DAAM2: variants seen among roughly 807,000 people sequenced by gnomAD.
DAAM2 encodes the protein disheveled-associated activator of morphogenesis 2.
Under a neutral mutation model 120.7 loss-of-function variants are expected in DAAM2, and 39 were observed. The observed-to-expected ratio is 0.32, with a 90% CI of 0.25 to 0.42. The LOEUF is 0.42. DAAM2 is among the 10% of genes least tolerant of loss of function. The probability of loss-of-function intolerance (pLI) is 1.00; values close to 1 mark genes in which losing one functional copy is unlikely to be tolerated. For missense variants in DAAM2, 1,283 were observed against 1,401.7 expected (o/e 0.92, Z 1.35); for synonymous variants, 488 against 524.9 (o/e 0.93, Z 0.96).
Position 39,902,001 on chromosome 6 carries a change from T to TA in DAAM2, c.3172dup (p.Thr1058AsnfsTer37). 4 of 1,611,136 alleles carry TA rather than the reference T, an allele frequency of 2.5e-6. No individual in the cohort carries two copies. Among genetic ancestry groups the TA allele is most frequent in the Non-Finnish European group, 3.4e-6 (4 of 1,177,950 alleles). On this transcript the variant is annotated frameshift_variant, in exon 25 of 25. Transcript: ENST00000274867. LOFTEE classifies it high-confidence loss of function. ...GATCAGGGAGCCAGGCCCTGGAAGTTACCCGGGAGCGGGCAATAAACCGGC... is the reference window on the plus strand; with the variant it reads ...GATCAGGGAGCCAGGCCCTGGAAGTTAACCCGGGAGCGGGCAATAAACCGGC...
intron 17 of DAAM2, among the ~76,000 whole-genome samples, chr6:39,890,305 A>G (rs989127502): frequency 6.6e-6 from 1 of 152,192 alleles, no homozygotes; most frequent in Admixed American, 6.5e-5. Context: ...TGCACAGTTC[A>G]ACCCTGTGTT....
chr6:39,897,491 G>A (rs541571213), intron 21 of DAAM2: 2 of 473,080 alleles, frequency 4.2e-6, no homozygotes, highest in East Asian at 8.0e-5. Flanking sequence ...TTGTGAGTTA[G>A]GTGCAGAATA....
At chr6:39,846,035 G>T (rs1363487879) in intron 1 of DAAM2, among the ~76,000 whole-genome samples, 1 of 152,144 alleles carries the variant, frequency 6.6e-6, no homozygotes, top group Non-Finnish European at 1.5e-5. Flanking sequence ...CTGGTTTGGA[G>T]CCTGGTATTT....
rs921567756 is a variant in DAAM2 at position 39,900,343 on chromosome 6, C to G, written c.2811+135C>G. 21 of 1,022,350 alleles carry G rather than the reference C, an allele frequency of 2.1e-5. No individual in the cohort carries two copies. In the East Asian group the frequency reaches 5.6e-4, roughly 27 times the overall value. The allele number at this position is 1,022,350 out of a possible 1,614,324, so 63.3% of individuals were successfully genotyped here. On this transcript the variant is annotated intron_variant, in intron 23 of 24. Coordinates refer to ENST00000274867, the MANE Select transcript of DAAM2 (RefSeq NM_001201427.2). ...GCTTTGAGAGAAAACCGTTTCTTCGCTCTTAACAAGACAAGCAATGATAAC... is the reference window on the plus strand; with the variant it reads ...GCTTTGAGAGAAAACCGTTTCTTCGGTCTTAACAAGACAAGCAATGATAAC...
chr6:39,794,572 C>T (rs1327928292), intron 1 of DAAM2, among the ~76,000 whole-genome samples: 1 of 152,150 alleles, frequency 6.6e-6, no homozygotes, highest in African/African-American at 2.4e-5. Context: ...ATAGGAAGGC[C>T]TGTAAATGAT....
intron 2 of DAAM2, among the ~76,000 whole-genome samples, chr6:39,857,499 T>C (rs143737398): frequency 1.1e-3 from 169 of 152,326 alleles, no homozygotes; most frequent in Non-Finnish European, 2.1e-3. Context: ...TGTTTCCTGA[T>C]TTTTTAGCTT....
chr6:39,795,157 T>C (rs1252906374), intron 1 of DAAM2, among the ~76,000 whole-genome samples: 2 of 152,238 alleles, frequency 1.3e-5, no homozygotes, highest in African/African-American at 4.8e-5. Flanking sequence ...CAGTTCAATC[T>C]TCTGGCCAGC....
rs148756070 is a variant in DAAM2 at position 39,795,990 on chromosome 6, CAGAG to C, written c.-57+3528_-57+3531del. Among the ~76,000 whole-genome samples the C allele has an allele frequency of 8.4e-4, 128 of 152,218 alleles. 1 individual carries two copies. The East Asian group carries it at 0.013, about 15-fold the overall frequency. ...TGGATCTTGAAGGACAAGCCTGAGTCAGAGAGCGGGTAGGCAGCCACTCCTTGTC... is the reference window on the plus strand; with the variant it reads ...TGGATCTTGAAGGACAAGCCTGAGTCAGCGGGTAGGCAGCCACTCCTTGTC... On this transcript the variant is annotated intron_variant, in intron 1 of 24. Transcript: ENST00000274867.
intron 6 of DAAM2, 103 bp from the exon 7 acceptor site, chr6:39,868,720 T>A (rs1764527455): frequency 5.0e-6 from 4 of 793,322 alleles, no homozygotes; most frequent in Non-Finnish European, 8.5e-6. Context: ...AGAGAGCAGA[T>A]GGGGCATTCT....
rs1484517730 is a variant in DAAM2, at chr6:39,879,395, G to C, written c.1763G>C (p.Ser588Thr). 1 of 1,583,814 alleles carries C rather than the reference G, an allele frequency of 6.3e-7. No homozygotes were observed. Among genetic ancestry groups the C allele is most frequent in the Admixed American group, 1.7e-5 (1 of 58,354 alleles). ...CCCCTCCCTCAGGACCCCTACCCCAGCAGTGACGTCCCACTCAGGAAAAAG... is the reference window on the plus strand; with the variant it reads ...CCCCTCCCTCAGGACCCCTACCCCACCAGTGACGTCCCACTCAGGAAAAAG... Reference protein sequence around the residue: ...GLPLPQDPYPSSDVPLRKKRV... With the variant: ...GLPLPQDPYPTSDVPLRKKRV... The change falls in exon 14 of 25, where the codon AGC becomes ACC. Residue 588 changes from serine (S) to threonine (T), a missense_variant. By Grantham distance (58) the Ser-to-Thr change is moderately conservative. Transcript: ENST00000274867.
chr6:39,888,885 A>G, intron 17 of DAAM2, 122 bp downstream of exon 17: 1 of 648,350 alleles, frequency 1.5e-6, no homozygotes, highest in Non-Finnish European at 2.6e-6. Flanking sequence ...AGAGTTAGGG[A>G]GAAGGTTTAT....
intron 1 of DAAM2, among the ~76,000 whole-genome samples, chr6:39,839,705 G>A (rs1481736180): frequency 1.3e-5 from 2 of 152,218 alleles, no homozygotes; most frequent in South Asian, 2.1e-4. Context: ...CAAGTGTGAG[G>A]TGAGTCCACA....
At chr6:39,897,365 G>A (rs1292416156) in intron 21 of DAAM2, 83 bp downstream of exon 21, 1 of 874,384 alleles carries the variant, frequency 1.1e-6, no homozygotes, top group South Asian at 1.5e-5. Flanking sequence ...TCTACTCTGG[G>A]CTTGATGATG....
intron 22 of DAAM2, chr6:39,899,857 CAT>C (rs1419464452): frequency 4.5e-6 from 2 of 448,772 alleles, no homozygotes; most frequent in African/African-American, 4.0e-5. Flanking sequence ...CCCCAGGTCA[CAT>C]GTTGGGTCTC....
chr6:39,794,399 C>T (rs1230603271), intron 1 of DAAM2, among the ~76,000 whole-genome samples: 1 of 152,156 alleles, frequency 6.6e-6, no homozygotes, highest in Non-Finnish European at 1.5e-5. Context: ...AACTCTGGCT[C>T]CTAACTCCCA....
At chr6:39,865,120 T>C (rs1327347758) in intron 5 of DAAM2, 46 bp downstream of exon 5, 2 of 1,149,464 alleles carry the variant, frequency 1.7e-6, no homozygotes, top group South Asian at 1.3e-5. Context: ...CCCTTCACAG[T>C]TGGTCTCCTT....
intron 1 of DAAM2, among the ~76,000 whole-genome samples, chr6:39,830,617 C>A (rs1215630214): frequency 6.6e-6 from 1 of 152,156 alleles, no homozygotes; most frequent in Non-Finnish European, 1.5e-5. Flanking sequence ...CAAGTCCAGG[C>A]CTTGGGCCCA....
At chr6:39,794,280 G>A (rs1300938321) in intron 1 of DAAM2, among the ~76,000 whole-genome samples, 1 of 152,180 alleles carries the variant, frequency 6.6e-6, no homozygotes, top group Non-Finnish European at 1.5e-5. Flanking sequence ...TTAGACATGG[G>A]AGGATAAATG....
chr6:39,837,968 G>A (rs946787210), intron 1 of DAAM2, among the ~76,000 whole-genome samples: 1 of 152,184 alleles, frequency 6.6e-6, no homozygotes, highest in African/African-American at 2.4e-5. Context: ...GGACCTCCCA[G>A]CCTCAAACCA....
Sources: gnomAD v4.1 joint callset for allele counts (sites outside exome capture counted in the v4.1 genomes callset) on GRCh38, gnomAD v4.1.1 for gene constraint, MANE v1.5 for transcripts, NCBI Gene and HGNC (gene_info 2026-07-23, HGNC 2026-07-21) for gene names.